Variants in NDUFAF6 observed in about 807,000 individuals in gnomAD.
NDUFAF6 encodes the protein NADH dehydrogenase (ubiquinone) complex I, assembly factor 6.
In NDUFAF6, 45 loss-of-function variants were observed where a neutral mutation model predicts 40.8. The ratio of observed to expected loss-of-function variants is 1.10; its 90% confidence interval spans 0.87 to 1.42. The LOEUF (loss-of-function observed/expected upper bound fraction) is 1.42. NDUFAF6 is among the 40% of genes most tolerant of loss of function. The pLI is 0.00. For synonymous variants in NDUFAF6, 185 were observed against 155.9 expected (o/e 1.19, Z -1.39); for missense variants, 435 against 418.5 (o/e 1.04, Z -0.34).
At chr8:95,036,309 CA>C (rs1309205083) in intron 3 of NDUFAF6, 1 of 1,285,410 alleles carries the variant, frequency 7.8e-7, no homozygotes, top group Non-Finnish European at 1.0e-6. Flanking sequence ...CAGTGATTGC[CA>C]AAAGAGGGTT....
chr8:95,109,399 G>A (rs923969980), intron 4 of NDUFAF6, among the ~76,000 whole-genome samples: 1 of 152,160 alleles, frequency 6.6e-6, no homozygotes, highest in Non-Finnish European at 1.5e-5. Context: ...GATCTTTACG[G>A]CCTGAGTCAA....
intron 1 of NDUFAF6, among the ~76,000 whole-genome samples, chr8:94,965,102 C>A (rs977152944): frequency 1.3e-5 from 2 of 152,142 alleles, no homozygotes; most frequent in African/African-American, 4.8e-5. Context: ...CTGCAGTCAA[C>A]TCTGTGGTCA....
intron 2 of NDUFAF6, among the ~76,000 whole-genome samples, chr8:95,012,005 G>A (rs1334326159): frequency 6.6e-6 from 1 of 152,082 alleles, no homozygotes; most frequent in African/African-American, 2.4e-5. Flanking sequence ...GGAATTTTCA[G>A]GTCAAAGGGT....
At chr8:94,904,307 CTAATTTTTTTTGCTTTTTTTTTTTT>C in intron 1 of NDUFAF6, among the ~76,000 whole-genome samples, 1 of 94,334 alleles carries the variant, frequency 1.1e-5, no homozygotes, top group Non-Finnish European at 2.0e-5. Context: ...TCACACCTGG[CTAATTTTTTTTGCTTTTTTTTTTTT>C]TTTTTTTTTT....
At chr8:95,103,304 A>T (rs1809713478) in exon 3 of NDUFAF6, 1 of 152,236 alleles carries the variant, frequency 6.6e-6, no homozygotes, top group African/African-American at 2.4e-5. Flanking sequence ...GCAGGCAAAA[A>T]TCTACTGTAC....
intron 4 of NDUFAF6, among the ~76,000 whole-genome samples, chr8:95,042,660 G>A (rs1435939455): frequency 6.6e-6 from 1 of 152,178 alleles, no homozygotes; most frequent in African/African-American, 2.4e-5. Flanking sequence ...ATATGGAAAT[G>A]CAAGGGACCC....
At chr8:94,921,422 C>A (rs534248030) in intron 1 of NDUFAF6, among the ~76,000 whole-genome samples, 1 of 152,256 alleles carries the variant, frequency 6.6e-6, no homozygotes, top group East Asian at 1.9e-4. Context: ...ATTGGCCAGG[C>A]CTGATTCATA....
intron 2 of NDUFAF6, among the ~76,000 whole-genome samples, chr8:94,952,318 C>G (rs1342357172): frequency 6.6e-6 from 1 of 152,214 alleles, no homozygotes; most frequent in Non-Finnish European, 1.5e-5. Context: ...TCCTACCAAC[C>G]CATAGGATGG....
chr8:95,106,806 A>T (rs1309598057), downstream of NDUFAF6, among the ~76,000 whole-genome samples: 2 of 152,224 alleles, frequency 1.3e-5, no homozygotes, highest in Non-Finnish European at 2.9e-5. Flanking sequence ...AAACAACCCC[A>T]TCAAAAAGTG....
chr8:95,084,292 A>G (rs1563860362), intron 2 of NDUFAF6, among the ~76,000 whole-genome samples: 2 of 152,032 alleles, frequency 1.3e-5, no homozygotes, highest in South Asian at 2.1e-4. Flanking sequence ...TGGACACCCT[A>G]TTATTTCTTT....
At chr8:95,007,074 T>G (rs1242298240) in intron 2 of NDUFAF6, among the ~76,000 whole-genome samples, 1 of 152,054 alleles carries the variant, frequency 6.6e-6, no homozygotes, top group Non-Finnish European at 1.5e-5. Flanking sequence ...ATTTCCAGGT[T>G]TCTTATACTA....
chr8:94,968,167 A>G (rs564303207), intron 1 of NDUFAF6, among the ~76,000 whole-genome samples: 8 of 152,322 alleles, frequency 5.3e-5, no homozygotes, highest in African/African-American at 1.9e-4. Flanking sequence ...AAACATTCTC[A>G]GAAGTGACAT....
rs118121007 is a variant in NDUFAF6, at chr8:95,058,468, G to T, written c.*531G>T. 6.5e-6 allele frequency: 8 copies of T among 1,229,642 alleles called. No individual in the cohort carries two copies. The East Asian group carries it at 2.2e-4, about 34-fold the overall frequency. 76.2% of individuals were successfully genotyped at this position (1,229,642 alleles called of 1,614,324 possible). On this transcript the variant is annotated 3_prime_UTR_variant, in exon 9 of 9. Coordinates refer to ENST00000396124, the MANE Select transcript of NDUFAF6 (RefSeq NM_152416.4). Reference sequence around the variant, plus strand: ...CTTAACGTTTAATTTTTACAATCTTGTGTAAAAATTTATCCATGATAATAA... The same window carrying T: ...CTTAACGTTTAATTTTTACAATCTTTTGTAAAAATTTATCCATGATAATAA...
chr8:94,964,551 G>A (rs1823854981), intron 1 of NDUFAF6, among the ~76,000 whole-genome samples: 1 of 152,142 alleles, frequency 6.6e-6, no homozygotes, highest in Admixed American at 6.5e-5. Flanking sequence ...TGCTTCTGGT[G>A]AGGGCTCAGG....
chr8:95,013,306 A>G (rs1241480853), intron 2 of NDUFAF6, among the ~76,000 whole-genome samples: 2 of 152,078 alleles, frequency 1.3e-5, no homozygotes, highest in Admixed American at 6.6e-5. Context: ...GGGTCTTGCT[A>G]TGCTGTCCAG....
At chr8:95,107,602 C>G (rs1265343064), downstream of NDUFAF6, among the ~76,000 whole-genome samples, 3 of 151,796 alleles carry the variant, frequency 2.0e-5, no homozygotes, top group African/African-American at 7.3e-5. Context: ...ACGTTCTGCA[C>G]TTGTATCCTA....
At chr8:94,918,844 C>T (rs202096080) in intron 1 of NDUFAF6, among the ~76,000 whole-genome samples, 129 of 152,260 alleles carry the variant, frequency 8.5e-4, no homozygotes, top group Non-Finnish European at 1.1e-3. Context: ...AAATGCTGAC[C>T]AACTGATACA....
chr8:95,021,660 C>T (rs1156786964), upstream of NDUFAF6, among the ~76,000 whole-genome samples: 1 of 152,188 alleles, frequency 6.6e-6, no homozygotes, highest in Non-Finnish European at 1.5e-5. Context: ...GAAACATGTT[C>T]TCTGGACCAT....
intron 2 of NDUFAF6, among the ~76,000 whole-genome samples, chr8:95,005,071 T>G (rs1826901714): frequency 6.6e-6 from 1 of 152,210 alleles, no homozygotes; most frequent in East Asian, 1.9e-4. Flanking sequence ...AGGGTCAGAT[T>G]GATCTAAAAT....
Sources: allele counts gnomAD v4.1 joint callset (sites outside exome capture counted in the v4.1 genomes callset), GRCh38; gene constraint gnomAD v4.1.1; transcripts MANE v1.5; gene names NCBI Gene and HGNC (gene_info 2026-07-23, HGNC 2026-07-21).